The following NCKAP1L variants were observed in gnomAD, a reference collection of about 807,000 sequenced individuals.
NCKAP1L encodes the protein NCK associated protein 1 like, also known as nck-associated protein 1-like.
Under a neutral mutation model 139.2 loss-of-function variants are expected in NCKAP1L, and 53 were observed. That is an observed-to-expected ratio of 0.38 (90% CI 0.31 to 0.48). The LOEUF is 0.48. Among genes scored for constraint, NCKAP1L ranks in the 20% least tolerant of loss-of-function variants. The probability of loss-of-function intolerance (pLI) is 0.98; values close to 1 mark genes in which losing one functional copy is unlikely to be tolerated. For synonymous variants in NCKAP1L, 468 were observed against 499.7 expected, an observed-to-expected ratio of 0.94 and a Z score of 0.85; for missense variants, 1,151 against 1,381.9, an observed-to-expected ratio of 0.83 and a Z score of 2.65.
rs368137982 is a variant in NCKAP1L, at chr12:54,540,959, C to T, written c.3274-1616C>T. On this transcript the variant is annotated intron_variant, in intron 30 of 30. Coordinates refer to ENST00000293373, the MANE Select transcript of NCKAP1L (RefSeq NM_005337.5). ...TTTCCACAGAGAAATTGGAAATGAC[C>T]GAAGGTGAAGGAGCTGTATTCTGAG... 5.3e-5 allele frequency among the ~76,000 whole-genome samples: 8 copies of T among 152,310 alleles called. No individual in the cohort carries two copies. The East Asian group carries it at 1.2e-3, about 22-fold the overall frequency.
At chr12:54,508,343 T>C (rs1359201007) in intron 4 of NCKAP1L, 46 bp from the exon 5 acceptor site, 12 of 1,604,944 alleles carry the variant, frequency 7.5e-6, no homozygotes. Flanking sequence ...GAGATCCAGG[T>C]TAATTGGCCA....
At position 54,535,982 on chromosome 12, in the gene NCKAP1L, C is replaced by T. The variant is rs534388660; in HGVS notation, c.2957-147C>T. ...TTTCTTCAGGAAAATTAAGTAATAACTTGCCCATAGGCTTTATAAAGTGTT... is the reference window on the plus strand; with the variant it reads ...TTTCTTCAGGAAAATTAAGTAATAATTTGCCCATAGGCTTTATAAAGTGTT... On this transcript the variant is annotated intron_variant, in intron 27 of 30. Coordinates refer to ENST00000293373, the MANE Select transcript of NCKAP1L (RefSeq NM_005337.5). The T allele has an allele frequency of 1.2e-4, 74 of 599,246 alleles. No individual in the cohort carries two copies. The East Asian group carries it at 2.1e-3, about 17-fold the overall frequency. The allele number at this position is 599,246 out of a possible 1,614,324, so 37.1% of individuals were successfully genotyped here. A position where few individuals can be genotyped will look rare whatever the true frequency, so the allele number is the denominator to read the frequency against.
chr12:54,535,060 G>A (rs2120968107), intron 26 of NCKAP1L, 44 bp from the exon 27 acceptor site: 2 of 1,521,822 alleles, frequency 1.3e-6, no homozygotes, highest in Non-Finnish European at 1.8e-6. Context: ...TCAAGCCATT[G>A]TGTCCTGCGA....
At chr12:54,508,326 A>G in intron 4 of NCKAP1L, 63 bp from the exon 5 acceptor site, 1 of 1,545,016 alleles carries the variant, frequency 6.5e-7, no homozygotes, top group Non-Finnish European at 8.9e-7. Context: ...GTGGTTGGGG[A>G]AAGAAGGAGA....
intron 26 of NCKAP1L, among the ~76,000 whole-genome samples, chr12:54,532,583 C>T (rs185878941): frequency 1.3e-5 from 2 of 152,144 alleles, no homozygotes; most frequent in African/African-American, 4.8e-5. Flanking sequence ...CAAACAAGTC[C>T]GCTCTTTAGT....
intron 30 of NCKAP1L, 34 bp downstream of exon 30, chr12:54,539,007 G>A (rs774065870): frequency 6.4e-7 from 1 of 1,567,030 alleles, no homozygotes; most frequent in East Asian, 2.2e-5. Context: ...GTGAGAATAG[G>A]GAATGGAAGG....
intron 2 of NCKAP1L, 122 bp downstream of exon 2, chr12:54,499,587 A>G (rs1445171639): frequency 4.9e-6 from 3 of 611,654 alleles, no homozygotes; most frequent in East Asian, 2.8e-5. Flanking sequence ...TTTTATTAAT[A>G]GTTTTCCAAG....
intron 20 of NCKAP1L, 79 bp from the exon 21 acceptor site, chr12:54,526,449 A>G (rs1957026208): frequency 5.2e-6 from 6 of 1,152,396 alleles, no homozygotes; most frequent in South Asian, 2.6e-5. Context: ...AGCACCTGGA[A>G]CACAATATAC....
At chr12:54,521,300 T>A (rs972339284) in intron 18 of NCKAP1L, 62 bp downstream of exon 18, 1 of 1,590,538 alleles carries the variant, frequency 6.3e-7, no homozygotes, top group Non-Finnish European at 8.6e-7. Context: ...TTCCCCTCTA[T>A]CTAACTTTGT....
intron 3 of NCKAP1L, chr12:54,501,001 T>A (rs926955479): frequency 3.0e-5 from 5 of 167,900 alleles, no homozygotes; most frequent in African/African-American, 9.6e-5. Context: ...TAAAATTTAC[T>A]GTCTTAACCA....
intron 30 of NCKAP1L, among the ~76,000 whole-genome samples, 181 bp downstream of exon 30, chr12:54,539,154 A>G (rs1208990606): frequency 2.0e-5 from 3 of 152,364 alleles, no homozygotes; most frequent in Middle Eastern, 6.8e-3. Flanking sequence ...AACTTGTCCT[A>G]TAATCCCAGA....
intron 29 of NCKAP1L, among the ~76,000 whole-genome samples, chr12:54,538,623 G>A (rs373373125): frequency 9.2e-5 from 14 of 152,292 alleles, no homozygotes; most frequent in South Asian, 2.1e-4. Context: ...GCTCTAGGTC[G>A]TTTCCCTGCC....
At chr12:54,529,731 T>G (rs1957052952) in intron 22 of NCKAP1L, among the ~76,000 whole-genome samples, 1 of 152,156 alleles carries the variant, frequency 6.6e-6, no homozygotes, top group African/African-American at 2.4e-5. Flanking sequence ...CAGGAGGTAA[T>G]GCTGATTCCC....
At position 54,526,748 on chromosome 12, in the gene NCKAP1L, T is replaced by C. The variant is rs1957029885; in HGVS notation, c.2375+2T>C. The C allele has an allele frequency of 6.2e-7, 1 of 1,612,130 alleles. No homozygotes were observed. Among genetic ancestry groups the C allele is most frequent in the Non-Finnish European group, 8.5e-7 (1 of 1,178,716 alleles). ...AATCACCACACTCTACACAAACTGG[T>C]CAGTGTTGCTTAGGCTTTTCCACTG... On this transcript the variant is annotated splice_donor_variant, in intron 21 of 30. Coordinates refer to ENST00000293373, the MANE Select transcript of NCKAP1L (RefSeq NM_005337.5). LOFTEE classifies it high-confidence loss of function.
In NCKAP1L at chr12:54,507,854, A is replaced by G. The variant is rs748465043; in HGVS notation, c.308A>G (p.Asp103Gly). 3 of 1,613,562 alleles carry G rather than the reference A, an allele frequency of 1.9e-6. No homozygotes were observed. The highest frequency in any genetic ancestry group is 2.7e-5 in the African/African-American group (2 of 74,862). The change falls in exon 4 of 31, where the codon GAT becomes GGT. Residue 103 changes from aspartate to glycine, a missense_variant and splice_region_variant. Coordinates refer to ENST00000293373, the MANE Select transcript of NCKAP1L (RefSeq NM_005337.5). ...QSFVDVMEFR[D>G]HVYELLNTID... ...TCTTGTCTTCACTTCCACCCCCAGG[A>G]TCATGTATATGAACTTCTCAACACC...
Position 54,509,636 on chromosome 12 carries a change from G to A in NCKAP1L, c.507-33G>A, listed in dbSNP as rs369935244. 4.1e-4 allele frequency: 596 copies of A among 1,462,952 alleles called. 3 individuals are homozygous for A. The highest frequency in any genetic ancestry group is 1.4e-3 in the Admixed American group (84 of 59,624). The allele number at this position is 1,462,952 out of a possible 1,614,324, so 90.6% of individuals were successfully genotyped here. On this transcript the variant is annotated intron_variant, in intron 5 of 30. Coordinates refer to ENST00000293373, the MANE Select transcript of NCKAP1L (RefSeq NM_005337.5). ...AAGAGTTCAAGTCATGGGTAAGGGA[G>A]GGCTGTAACCCCTCTCCTCTGCTTT...
chr12:54,506,796 A>AAAAATATATATATATATAT, intron 3 of NCKAP1L, among the ~76,000 whole-genome samples: 124 of 50,598 alleles, frequency 2.5e-3, no homozygotes, highest in East Asian at 5.4e-3. Flanking sequence ...AAAAAAAAAA[A>AAAAATATATATATATATAT]ATATATATAT....
intron 2 of NCKAP1L, 96 bp downstream of exon 2, chr12:54,499,561 G>A (rs1376339204): frequency 2.8e-6 from 2 of 708,968 alleles, no homozygotes; most frequent in African/African-American, 3.6e-5. Context: ...ACTTGGCAGG[G>A]GATGGAGTAG....
chr12:54,500,609 A>C lies in NCKAP1L; in HGVS notation c.290A>C (p.Asp97Ala). 6.2e-7 allele frequency: 1 copy of C among 1,611,656 alleles called. No homozygotes were observed. The highest frequency in any genetic ancestry group is 8.5e-7 in the Non-Finnish European group (1 of 1,177,786). ...FLTNYYQSFVDVMEFRDHVYE... is the reference protein window; with the variant it reads ...FLTNYYQSFVAVMEFRDHVYE... ...ACCAACTACTACCAGTCATTTGTGG[A>C]TGTCATGGAATTTCGGGTGAGCTCT... The change falls in exon 3 of 31, where the codon GAT becomes GCT. Residue 97 changes from aspartate to alanine, a missense_variant. Coordinates refer to ENST00000293373, the MANE Select transcript of NCKAP1L (RefSeq NM_005337.5).
Sources: allele counts gnomAD v4.1 joint callset (sites outside exome capture counted in the v4.1 genomes callset), GRCh38; gene constraint gnomAD v4.1.1; transcripts MANE v1.5; gene names NCBI Gene and HGNC (gene_info 2026-07-23, HGNC 2026-07-21).